The following DRD3 variants were observed in gnomAD, a reference collection of about 807,000 sequenced individuals.
DRD3 encodes the protein D(3) dopamine receptor.
A neutral mutation model predicts 36.3 loss-of-function variants in DRD3; 19 were observed. That is an observed-to-expected ratio of 0.52 (90% CI 0.36 to 0.77). The LOEUF (loss-of-function observed/expected upper bound fraction) is 0.77. DRD3 is among the 30% of genes least tolerant of loss of function. The pLI is 0.00. For missense variants in DRD3, 465 were observed against 505.3 expected (o/e 0.92, Z 0.77); for synonymous variants, 195 against 203.7 (o/e 0.96, Z 0.36).
At chr3:114,190,660 T>C (rs1399349621) in intron 1 of DRD3, among the ~76,000 whole-genome samples, 1 of 147,178 alleles carries the variant, frequency 6.8e-6, no homozygotes, top group Non-Finnish European at 1.5e-5. Flanking sequence ...TTTTACCTGA[T>C]ATGCATTTAA....
Position 114,159,833 on chromosome 3 carries a change from C to A in DRD3, c.305G>T (p.Cys102Phe), listed in dbSNP as rs201756825. Residue 102 changes from cysteine (C) to phenylalanine (F), a missense_variant, in exon 3 of 7, where the codon TGC (cysteine) becomes TTC (phenylalanine). Cys to Phe is a radical substitution (Grantham distance 205, BLOSUM62 -2). Transcript: ENST00000383673. ...TGGVWNFSRI[C>F]CDVFVTLDVM... is the part of the protein sequence containing the mutation. ...ATCCAGGGTGACAAAAACATCACAG[C>A]AAATGCGGCTGAAATTCCAGACTCC... is the stretch of plus-strand genomic sequence containing the variant. The A allele has an allele frequency of 2.1e-5, 34 of 1,614,132 alleles. 1 individual carries two copies. The African/African-American group carries it at 3.7e-4, about 18-fold the overall frequency.
chr3:114,146,489 G>A (rs754577521), intron 4 of DRD3, among the ~76,000 whole-genome samples: 10 of 151,960 alleles, frequency 6.6e-5, no homozygotes, highest in South Asian at 6.2e-4. Context: ...AGGCCGAGGC[G>A]GGCTGATCAC....
chr3:114,140,882 T>TG (rs999083020), intron 4 of DRD3, among the ~76,000 whole-genome samples: 5 of 152,110 alleles, frequency 3.3e-5, no homozygotes, highest in Non-Finnish European at 5.9e-5. Flanking sequence ...TGTGGGCTGG[T>TG]GGGGAGAGGG....
At chr3:114,166,045 G>A (rs1294766122) in intron 2 of DRD3, among the ~76,000 whole-genome samples, 1 of 150,168 alleles carries the variant, frequency 6.7e-6, no homozygotes, top group Non-Finnish European at 1.5e-5. Context: ...GAGTGCAGTG[G>A]CACAATCTCG....
At chr3:114,172,919 T>C (rs2077860876) in intron 1 of DRD3, among the ~76,000 whole-genome samples, 1 of 151,924 alleles carries the variant, frequency 6.6e-6, no homozygotes. Flanking sequence ...CCCCAAGCTC[T>C]AGAGGAGGTG....
chr3:114,146,926 C>T (rs1179699731), intron 4 of DRD3, among the ~76,000 whole-genome samples: 3 of 151,888 alleles, frequency 2.0e-5, no homozygotes, highest in Non-Finnish European at 2.9e-5. Context: ...AATATACTCT[C>T]CAGGAATTTG....
At chr3:114,167,245 A>G (rs2077794492) in intron 2 of DRD3, among the ~76,000 whole-genome samples, 1 of 152,182 alleles carries the variant, frequency 6.6e-6, no homozygotes. Context: ...TTAGTATTCC[A>G]AATGTTCCCC....
intron 2 of DRD3, among the ~76,000 whole-genome samples, chr3:114,161,648 C>A (rs1463337209): frequency 6.6e-6 from 1 of 152,120 alleles, no homozygotes; most frequent in East Asian, 1.9e-4. Flanking sequence ...GACCAATTGG[C>A]TCTATATAAA....
intron 5 of DRD3, among the ~76,000 whole-genome samples, chr3:114,138,767 G>C (rs1351789176): frequency 6.6e-6 from 1 of 152,192 alleles, no homozygotes; most frequent in African/African-American, 2.4e-5. Flanking sequence ...TTAACATTGA[G>C]TGGAGGGGTG....
At chr3:114,186,229 G>A (rs550000532) in intron 1 of DRD3, among the ~76,000 whole-genome samples, 42 of 152,298 alleles carry the variant, frequency 2.8e-4, no homozygotes, top group African/African-American at 8.2e-4. Context: ...AAATGGAAGC[G>A]ATTCTCCTGC....
chr3:114,159,154 C>T (rs324031), intron 3 of DRD3, among the ~76,000 whole-genome samples: 129,802 of 152,042 alleles, frequency 0.85, 56,628 homozygotes, highest in Non-Finnish European at 0.94. Context: ...GTCAAAATCA[C>T]AGCAATTCAC....
intron 3 of DRD3, among the ~76,000 whole-genome samples, chr3:114,156,879 C>CTTTCTT (rs201941324): frequency 1.7e-4 from 24 of 140,884 alleles, no homozygotes; most frequent in African/African-American, 5.2e-4. Context: ...CTTTTTCTTT[C>CTTTCTT]TCTTTCTTTT....
At chr3:114,164,352 G>A (rs1291103381) in intron 2 of DRD3, among the ~76,000 whole-genome samples, 1 of 151,444 alleles carries the variant, frequency 6.6e-6, no homozygotes, top group Non-Finnish European at 1.5e-5. Context: ...CAACCAGGTG[G>A]TGTTACTCTT....
At chr3:114,156,844 CTT>C (rs1553766904) in intron 3 of DRD3, among the ~76,000 whole-genome samples, 1 of 53,248 alleles carries the variant, frequency 1.9e-5, no homozygotes, top group African/African-American at 6.0e-5. Context: ...TCCTTTCTTT[CTT>C]TTCTTTCTTT....
chr3:114,149,599 T>C (rs1354654501), intron 3 of DRD3, among the ~76,000 whole-genome samples: 1 of 152,240 alleles, frequency 6.6e-6, no homozygotes, highest in Non-Finnish European at 1.5e-5. Flanking sequence ...ATCACTCCTG[T>C]GATCAGATTA....
Position 114,131,324 on chromosome 3 carries a change from G to T in DRD3, c.800C>A (p.Pro267Gln), listed in dbSNP as rs2077428945. The change falls in exon 6 of 7, where the codon CCA becomes CAA. Residue 267 changes from proline (P) to glutamine (Q), a missense_variant. Pro to Gln is a moderately conservative substitution (Grantham distance 76, BLOSUM62 -1). Transcript: ENST00000383673. Reference protein sequence around the residue: ...SICQDTALGGPGFQERGGELK... With the variant: ...SICQDTALGGQGFQERGGELK... The stretch of plus-strand genomic sequence containing the variant: ...CTCTCCTCCTCTTTCTTGGAAGCCT[G>T]GTCCACCCAAGGCAGTGTCCTGGCA... 8 of 1,614,176 alleles carry T rather than the reference G, an allele frequency of 5.0e-6. No individual in the cohort carries two copies. Among genetic ancestry groups the T allele is most frequent in the Middle Eastern group, 1.6e-4 (1 of 6,062 alleles).
At chr3:114,153,233 A>G (rs2077635172) in intron 3 of DRD3, among the ~76,000 whole-genome samples, 1 of 149,248 alleles carries the variant, frequency 6.7e-6, no homozygotes, top group African/African-American at 2.5e-5. Context: ...AAAAGGCTGT[A>G]ATGAATATTG....
intron 1 of DRD3, among the ~76,000 whole-genome samples, chr3:114,178,398 T>G (rs1050721799): frequency 1.3e-5 from 2 of 152,200 alleles, no homozygotes; most frequent in African/African-American, 2.4e-5. Context: ...CTTTTAATTC[T>G]TCCTTGATAT....
At chr3:114,188,727 T>C (rs561701122) in intron 1 of DRD3, among the ~76,000 whole-genome samples, 1 of 152,332 alleles carries the variant, frequency 6.6e-6, no homozygotes, top group South Asian at 2.1e-4. Context: ...CACATGTCCA[T>C]ACTTGAATCA....
Sources: gnomAD v4.1 joint callset for allele counts (sites outside exome capture counted in the v4.1 genomes callset) on GRCh38, gnomAD v4.1.1 for gene constraint, MANE v1.5 for transcripts, NCBI Gene and HGNC (gene_info 2026-07-23, HGNC 2026-07-21) for gene names.